The following TENM3 variants were observed in gnomAD, a reference collection of about 807,000 sequenced individuals.
TENM3 encodes teneurin-3.
In TENM3, 63 loss-of-function variants were observed where a neutral mutation model predicts 255.1. That is an observed-to-expected ratio of 0.25 (90% CI 0.20 to 0.30). TENM3 has a LOEUF of 0.30. Ranked by LOEUF, TENM3 falls within the 10% of genes least tolerant of loss-of-function variation. TENM3 has a pLI of 1.00. For missense variants in TENM3, 2,929 were observed against 3,461.1 expected, an observed-to-expected ratio of 0.85 and a Z score of 3.86; for synonymous variants, 1,306 against 1,322.3, an observed-to-expected ratio of 0.99 and a Z score of 0.27.
intron 1 of TENM3, among the ~76,000 whole-genome samples, chr4:182,316,329 T>G (rs945962160): frequency 6.6e-6 from 1 of 152,192 alleles, no homozygotes; most frequent in African/African-American, 2.4e-5. Context: ...AGCAAGAACT[T>G]TCTGAGTACA....
chr4:181,965,461 TTTAAAGCA>T, the TENM3 span, among the ~76,000 whole-genome samples: 1 of 152,190 alleles, frequency 6.6e-6, no homozygotes, highest in Non-Finnish European at 1.5e-5. Context: ...GCTGCATCAC[TTTAAAGCA>T]CATTATTTCA....
At chr4:182,222,940 C>T (rs1755931645) in intron 1 of TENM3, among the ~76,000 whole-genome samples, 1 of 152,124 alleles carries the variant, frequency 6.6e-6, no homozygotes, top group African/African-American at 2.4e-5. Context: ...TCCAGCCATC[C>T]TTTGGAGAGA....
intron 7 of TENM3, 125 bp downstream of exon 7, chr4:182,673,344 A>C: frequency 1.6e-6 from 1 of 632,638 alleles, no homozygotes; most frequent in Non-Finnish European, 2.7e-6. Flanking sequence ...TTTCTACAGT[A>C]GAAAGAGTTT....
chr4:181,593,319 A>G, the TENM3 span, among the ~76,000 whole-genome samples: 1 of 152,234 alleles, frequency 6.6e-6, no homozygotes, highest in Non-Finnish European at 1.5e-5. Flanking sequence ...TAAACTGGCC[A>G]TGTGCTGGAA....
chr4:182,120,524 A>C, the TENM3 span, among the ~76,000 whole-genome samples: 16 of 152,228 alleles, frequency 1.1e-4, no homozygotes, highest in Non-Finnish European at 1.8e-4. Context: ...ATATGTAACA[A>C]ATAGGTAAAT....
At chr4:181,674,162 A>ATTTC in the TENM3 span, among the ~76,000 whole-genome samples, 42 of 151,978 alleles carry the variant, frequency 2.8e-4, no homozygotes, top group African/African-American at 9.9e-4. Flanking sequence ...CACCCAACTA[A>ATTTC]TTTCTTTGTA....
At chr4:182,753,652 G>A in intron 21 of TENM3, 48 bp downstream of exon 21, 1 of 1,575,412 alleles carries the variant, frequency 6.3e-7, no homozygotes, top group Non-Finnish European at 8.7e-7. Context: ...TAGGTGACTT[G>A]ACTTATTCAG....
chr4:181,908,772 C>T, the TENM3 span, among the ~76,000 whole-genome samples: 5 of 152,126 alleles, frequency 3.3e-5, no homozygotes, highest in Admixed American at 2.0e-4. Flanking sequence ...GATAGTGTTA[C>T]ACGGTATAGG....
At chr4:182,288,637 G>A (rs1760906973) in intron 1 of TENM3, among the ~76,000 whole-genome samples, 1 of 152,130 alleles carries the variant, frequency 6.6e-6, no homozygotes, top group Admixed American at 6.6e-5. Flanking sequence ...CACAGACTAG[G>A]TACTGCCATT....
chr4:182,198,035 G>A (rs1269139760), intron 1 of TENM3, among the ~76,000 whole-genome samples: 2 of 152,136 alleles, frequency 1.3e-5, no homozygotes, highest in Non-Finnish European at 2.9e-5. Flanking sequence ...AACCTGGGAG[G>A]CGGAGCTTGC....
At chr4:181,466,842 T>C in the TENM3 span, among the ~76,000 whole-genome samples, 1 of 151,948 alleles carries the variant, frequency 6.6e-6, no homozygotes, top group African/African-American at 2.4e-5. Context: ...ATCTGAATTC[T>C]TTTTCTTGTA....
chr4:181,879,260 C>T, the TENM3 span, among the ~76,000 whole-genome samples: 1 of 151,320 alleles, frequency 6.6e-6, no homozygotes, highest in African/African-American at 2.4e-5. Context: ...GAAATCATTA[C>T]AGGCAAAAAG....
chr4:182,322,108 G>A (rs1445802903), intron 1 of TENM3, among the ~76,000 whole-genome samples: 1 of 152,148 alleles, frequency 6.6e-6, no homozygotes, highest in Non-Finnish European at 1.5e-5. Flanking sequence ...GGTACAATAT[G>A]AGAAATTCAG....
intron 3 of TENM3, 36 bp downstream of exon 3, chr4:182,346,965 C>A: frequency 6.6e-7 from 1 of 1,509,792 alleles, no homozygotes; most frequent in South Asian, 1.3e-5. Context: ...TGTTGGCATT[C>A]AGTGCTTCTG....
intron 4 of TENM3, among the ~76,000 whole-genome samples, chr4:182,621,127 A>G (rs1033359959): frequency 3.0e-4 from 45 of 151,580 alleles, no homozygotes; most frequent in East Asian, 1.2e-3. Flanking sequence ...CTTGCAGTGA[A>G]CCGAGGTCGC....
intron 3 of TENM3, among the ~76,000 whole-genome samples, chr4:182,352,179 C>T (rs939616698): frequency 4.0e-5 from 6 of 151,732 alleles, no homozygotes; most frequent in African/African-American, 1.2e-4. Context: ...GGAGAACTCA[C>T]GGTGTCTTCC....
intron 3 of TENM3, among the ~76,000 whole-genome samples, chr4:182,523,948 C>G (rs1036577578): frequency 1.3e-5 from 2 of 152,068 alleles, no homozygotes; most frequent in Non-Finnish European, 2.9e-5. Context: ...TCATATGTAT[C>G]ATAACATACT....
chr4:182,726,603 A>G (rs1760203640), intron 13 of TENM3, among the ~76,000 whole-genome samples: 1 of 152,206 alleles, frequency 6.6e-6, no homozygotes, highest in African/African-American at 2.4e-5. Flanking sequence ...TGAACCAAAC[A>G]GGAAGGGAAG....
chr4:182,573,711 C>T (rs1355100241), intron 3 of TENM3, among the ~76,000 whole-genome samples: 1 of 152,138 alleles, frequency 6.6e-6, no homozygotes, highest in East Asian at 1.9e-4. Flanking sequence ...AAAGGGAATA[C>T]TGAAGCTTTA....
Sources: gnomAD v4.1 joint callset for allele counts (sites outside exome capture counted in the v4.1 genomes callset) on GRCh38, gnomAD v4.1.1 for gene constraint, MANE v1.5 for transcripts, NCBI Gene and HGNC (gene_info 2026-07-23, HGNC 2026-07-21) for gene names.